The following ROBO2 variants were observed in gnomAD, a reference collection of about 807,000 sequenced individuals.
The protein encoded by ROBO2 is roundabout guidance receptor 2.
In ROBO2, 53 loss-of-function variants were observed where a neutral mutation model predicts 160.8. The observed-to-expected ratio is 0.33, with a 90% CI of 0.26 to 0.41. The LOEUF is 0.41. Ranked by LOEUF, ROBO2 falls within the 10% of genes least tolerant of loss-of-function variation. The probability of loss-of-function intolerance (pLI) is 1.00; values close to 1 mark genes in which losing one functional copy is unlikely to be tolerated. For missense variants in ROBO2, 1,577 were observed against 1,722.4 expected, an observed-to-expected ratio of 0.92 and a Z score of 1.49; for synonymous variants, 664 against 611.7, an observed-to-expected ratio of 1.09 and a Z score of -1.26.
chr3:77,361,515 C>A (rs944489249), intron 2 of ROBO2, among the ~76,000 whole-genome samples: 1 of 152,106 alleles, frequency 6.6e-6, no homozygotes, highest in Non-Finnish European at 1.5e-5. Flanking sequence ...TAGACAGAAT[C>A]TATTTCTCAC....
chr3:76,183,064 T>G (rs888875338), intron 2 of ROBO2, among the ~76,000 whole-genome samples: 1 of 152,162 alleles, frequency 6.6e-6, no homozygotes, highest in Admixed American at 6.6e-5. Context: ...GGAATTTAGC[T>G]GGCGAATGAG....
intron 2 of ROBO2, among the ~76,000 whole-genome samples, chr3:76,707,394 A>G (rs1047070298): frequency 2.6e-5 from 4 of 152,094 alleles, no homozygotes; most frequent in African/African-American, 9.7e-5. Context: ...ATTACAATCA[A>G]TTAATACTCT....
At chr3:76,458,737 G>A (rs1036523489) in intron 2 of ROBO2, among the ~76,000 whole-genome samples, 1 of 152,096 alleles carries the variant, frequency 6.6e-6, no homozygotes, top group African/African-American at 2.4e-5. Context: ...TGATAGGAGG[G>A]AAAAGGCACT....
At chr3:77,308,819 A>G (rs1370027219) in intron 2 of ROBO2, among the ~76,000 whole-genome samples, 1 of 152,186 alleles carries the variant, frequency 6.6e-6, no homozygotes, top group Non-Finnish European at 1.5e-5. Context: ...CTCAGATTCT[A>G]ACTTGTACTT....
chr3:76,363,909 A>G (rs2075666602), intron 2 of ROBO2, among the ~76,000 whole-genome samples: 1 of 152,068 alleles, frequency 6.6e-6, no homozygotes, highest in Admixed American at 6.6e-5. Context: ...TATGGTCCTA[A>G]CCAAGCCTCC....
At chr3:76,132,314 G>A (rs1216189943) in intron 2 of ROBO2, among the ~76,000 whole-genome samples, 1 of 142,074 alleles carries the variant, frequency 7.0e-6, no homozygotes, top group Non-Finnish European at 1.5e-5. Context: ...AGAAACTGAA[G>A]AGATTTAGTG....
At chr3:76,808,438 T>C (rs1221016044) in intron 2 of ROBO2, among the ~76,000 whole-genome samples, 1 of 152,118 alleles carries the variant, frequency 6.6e-6, no homozygotes, top group Non-Finnish European at 1.5e-5. Context: ...TTCTAGGTGT[T>C]AGGAACACAT....
chr3:77,582,388 CT>C (rs2093943098), intron 16 of ROBO2, among the ~76,000 whole-genome samples: 1 of 152,098 alleles, frequency 6.6e-6, no homozygotes, highest in Admixed American at 6.6e-5. Flanking sequence ...CCTAGCCAGT[CT>C]TGTTTTTTTT....
intron 2 of ROBO2, among the ~76,000 whole-genome samples, chr3:76,416,658 G>A (rs1037331322): frequency 6.6e-6 from 1 of 152,018 alleles, no homozygotes. Flanking sequence ...TTAATGTACC[G>A]ATTTATAGGA....
intron 2 of ROBO2, among the ~76,000 whole-genome samples, chr3:75,948,275 T>A (rs1195350170): frequency 6.6e-6 from 1 of 152,032 alleles, no homozygotes; most frequent in African/African-American, 2.4e-5. Flanking sequence ...GAGATTTGAA[T>A]TAAAAATAAG....
chr3:77,298,208 A>G (rs2062328046), intron 2 of ROBO2, among the ~76,000 whole-genome samples: 1 of 152,188 alleles, frequency 6.6e-6, no homozygotes, highest in African/African-American at 2.4e-5. Context: ...GAAGTCTGAA[A>G]GTTAAAACTT....
chr3:77,449,579 A>C (rs1160344499), intron 2 of ROBO2, among the ~76,000 whole-genome samples: 1 of 152,080 alleles, frequency 6.6e-6, no homozygotes, highest in African/African-American at 2.4e-5. Flanking sequence ...TTTCCATTAG[A>C]GTTCACTGAA....
At chr3:76,011,975 A>C (rs1052171916) in intron 2 of ROBO2, among the ~76,000 whole-genome samples, 1 of 152,210 alleles carries the variant, frequency 6.6e-6, no homozygotes, top group Non-Finnish European at 1.5e-5. Flanking sequence ...CTGAGGAAAC[A>C]GTTTTAGACA....
At chr3:77,174,995 T>C (rs531427078) in intron 2 of ROBO2, among the ~76,000 whole-genome samples, 138 of 152,184 alleles carry the variant, frequency 9.1e-4, no homozygotes, top group African/African-American at 3.1e-3. Context: ...GTTTTTAAAG[T>C]TGCTCACTTC....
At chr3:76,394,335 C>G (rs1010246216) in intron 2 of ROBO2, among the ~76,000 whole-genome samples, 1 of 152,062 alleles carries the variant, frequency 6.6e-6, no homozygotes, top group African/African-American at 2.4e-5. Context: ...GTGACAAAAT[C>G]TCTCAGCATT....
At chr3:76,423,697 G>A (rs956325583) in intron 2 of ROBO2, among the ~76,000 whole-genome samples, 1 of 152,120 alleles carries the variant, frequency 6.6e-6, no homozygotes, top group African/African-American at 2.4e-5. Flanking sequence ...GGAGTTGGAG[G>A]GAGGAGGTTA....
At chr3:77,485,882 C>T (rs1332993092) in intron 4 of ROBO2, among the ~76,000 whole-genome samples, 1 of 152,064 alleles carries the variant, frequency 6.6e-6, no homozygotes, top group East Asian at 1.9e-4. Flanking sequence ...TAACCTATCA[C>T]CTAGGTATTA....
intron 2 of ROBO2, among the ~76,000 whole-genome samples, chr3:77,250,721 C>G (rs1457281754): frequency 6.6e-6 from 1 of 152,166 alleles, no homozygotes. Context: ...TGTTGGCCTT[C>G]TTGCTGCAGC....
chr3:76,287,890 T>C (rs1205133068), intron 2 of ROBO2, among the ~76,000 whole-genome samples: 1 of 152,250 alleles, frequency 6.6e-6, no homozygotes, highest in Middle Eastern at 3.2e-3. Flanking sequence ...TTCATAATTA[T>C]ATACTTTCTA....
Sources: allele counts gnomAD v4.1 joint callset (sites outside exome capture counted in the v4.1 genomes callset), GRCh38; gene constraint gnomAD v4.1.1; transcripts MANE v1.5; gene names NCBI Gene and HGNC (gene_info 2026-07-23, HGNC 2026-07-21).